The following SCG3 variants were observed in gnomAD, a reference collection of about 807,000 sequenced individuals.
SCG3 encodes secretogranin III, also known as secretogranin-3.
SCG3 carries 38 observed loss-of-function variants against 56.2 expected under a neutral mutation model. The observed-to-expected ratio is 0.68, with a 90% CI of 0.52 to 0.89. The LOEUF (loss-of-function observed/expected upper bound fraction) is 0.89, where lower values mean the gene tolerates loss of function less well. Ranked by LOEUF, SCG3 falls within the 40% of genes least tolerant of loss-of-function variation. The probability of loss-of-function intolerance (pLI) is 0.00; values close to 1 mark genes in which losing one functional copy is unlikely to be tolerated. For synonymous variants in SCG3, 176 were observed against 184.2 expected (o/e 0.96, Z 0.36); for missense variants, 524 against 540.7 (o/e 0.97, Z 0.31).
At chr15:51,713,222 G>A in intron 10 of SCG3, 111 bp from the exon 11 acceptor site, 2 of 708,352 alleles carry the variant, frequency 2.8e-6, no homozygotes, top group South Asian at 1.6e-5. Context: ...AAACAACCTT[G>A]CAAATGCTGC....
chr15:51,697,127 T>C (rs968416967), intron 8 of SCG3, among the ~76,000 whole-genome samples: 5 of 138,916 alleles, frequency 3.6e-5, no homozygotes, highest in Admixed American at 7.3e-5. Context: ...CTTCCAGATG[T>C]TATTCTGTGT....
intron 1 of SCG3, 55 bp from the exon 2 acceptor site, chr15:51,682,462 C>A (rs1265895263): frequency 7.0e-6 from 6 of 858,446 alleles, no homozygotes; most frequent in South Asian, 1.6e-5. Flanking sequence ...TAATAAGAGG[C>A]ATATTTTGTC....
chr15:51,689,158 T>G (rs967751447), intron 5 of SCG3, 61 bp from the exon 6 acceptor site: 72 of 1,539,326 alleles, frequency 4.7e-5, no homozygotes, highest in Non-Finnish European at 5.9e-5. Context: ...TAGTCCACAT[T>G]ATTTTTTAAT....
intron 10 of SCG3, among the ~76,000 whole-genome samples, chr15:51,703,909 T>G (rs900877664): frequency 3.9e-5 from 6 of 152,152 alleles, no homozygotes; most frequent in Admixed American, 3.3e-4. Context: ...TTTTATATTT[T>G]CCTACATTTT....
At chr15:51,718,239 T>C (rs960203038) in intron 11 of SCG3, among the ~76,000 whole-genome samples, 1 of 134,046 alleles carries the variant, frequency 7.5e-6, no homozygotes, top group African/African-American at 2.9e-5. Context: ...GACAGACAGA[T>C]GTCATAGGGT....
chr15:51,694,306 T>C (rs1400734429), intron 7 of SCG3, among the ~76,000 whole-genome samples: 2 of 151,644 alleles, frequency 1.3e-5, no homozygotes, highest in East Asian at 3.9e-4. Context: ...GAGCCAACAG[T>C]GGCCTTGTTT....
intron 11 of SCG3, among the ~76,000 whole-genome samples, chr15:51,717,728 A>T (rs938899325): frequency 1.3e-5 from 2 of 152,174 alleles, no homozygotes; most frequent in Admixed American, 6.5e-5. Context: ...CAGCATGTGA[A>T]TCAGTTTTTG....
chr15:51,710,274 T>C (rs1021725790), intron 10 of SCG3, among the ~76,000 whole-genome samples: 1 of 152,022 alleles, frequency 6.6e-6, no homozygotes, highest in Non-Finnish European at 1.5e-5. Flanking sequence ...CAGTAGAAGG[T>C]AATAAGTAGT....
chr15:51,684,377 G>A (rs1397104784), intron 4 of SCG3, among the ~76,000 whole-genome samples: 1 of 152,160 alleles, frequency 6.6e-6, no homozygotes, highest in Non-Finnish European at 1.5e-5. Context: ...AGGAGTTCAA[G>A]ACCAACCTGG....
rs1397529071 is a variant in SCG3 at position 51,683,347 on chromosome 15, A to G, written c.310A>G (p.Asn104Asp). ...AAGCTCCCCACTTGATAATAAGTTG[A>G]ATGTGGAAGATGTTGATTCAACCAA... ...IRSSPLDNKL[N>D]VEDVDSTKNR... The change falls in exon 4 of 12, where the codon AAT (asparagine) becomes GAT (aspartate). Residue 104 changes from asparagine (N) to aspartate (D), a missense_variant. By Grantham distance (23) the Asn-to-Asp change is conservative. Coordinates refer to ENST00000220478, the MANE Select transcript of SCG3 (RefSeq NM_013243.4). The G allele has an allele frequency of 6.2e-7, 1 of 1,613,576 alleles. No homozygotes were observed. The highest frequency in any genetic ancestry group is 1.1e-5 in the South Asian group (1 of 91,064).
intron 10 of SCG3, among the ~76,000 whole-genome samples, chr15:51,702,247 T>C (rs999436113): frequency 2.6e-5 from 4 of 152,082 alleles, no homozygotes; most frequent in African/African-American, 9.7e-5. Context: ...TTTACATCTT[T>C]TTAGGATTTT....
chr15:51,714,231 T>A (rs1371957617), intron 11 of SCG3, among the ~76,000 whole-genome samples: 1 of 152,154 alleles, frequency 6.6e-6, no homozygotes, highest in African/African-American at 2.4e-5. Context: ...AAGACATTTA[T>A]GTACTCTTCA....
chr15:51,701,803 G>A (rs1388967496), intron 10 of SCG3, among the ~76,000 whole-genome samples: 2 of 152,112 alleles, frequency 1.3e-5, no homozygotes, highest in Admixed American at 6.5e-5. Context: ...CTGCTCAGGA[G>A]GCTGAGGTGG....
At chr15:51,714,934 T>C (rs531890253) in intron 11 of SCG3, among the ~76,000 whole-genome samples, 2 of 152,356 alleles carry the variant, frequency 1.3e-5, no homozygotes, top group East Asian at 3.9e-4. Context: ...TTGTTTTATG[T>C]GCCATTAAAT....
rs1327143352 is a variant in SCG3, at chr15:51,717,350, G to A, written c.1289-2058G>A. Among the ~76,000 whole-genome samples, 9 of 150,546 alleles carry A rather than the reference G, an allele frequency of 6.0e-5. No individual in the cohort carries two copies. The South Asian group carries it at 8.4e-4, about 14-fold the overall frequency. ...GCCACTGCACTCCAGCCTGGGCAAC[G>A]GTGCAAGACTCCGTCTCAAAAAAAA... On this transcript the variant is annotated intron_variant, in intron 11 of 11. Coordinates refer to ENST00000220478, the MANE Select transcript of SCG3 (RefSeq NM_013243.4).
intron 8 of SCG3, among the ~76,000 whole-genome samples, chr15:51,696,493 G>A (rs1458887210): frequency 6.6e-6 from 1 of 152,134 alleles, no homozygotes; most frequent in African/African-American, 2.4e-5. Context: ...TGAGGTTGCA[G>A]TGAGCCAAGA....
intron 11 of SCG3, 64 bp from the exon 12 acceptor site, chr15:51,719,344 A>C: frequency 9.4e-7 from 1 of 1,058,762 alleles, no homozygotes; most frequent in Non-Finnish European, 1.4e-6. Context: ...AGTTAATGGT[A>C]ATCACTGTAA....
At chr15:51,709,073 TTTAA>T (rs2055394599) in intron 10 of SCG3, among the ~76,000 whole-genome samples, 1 of 152,102 alleles carries the variant, frequency 6.6e-6, no homozygotes, top group Admixed American at 6.5e-5. Context: ...AGGAAAACAG[TTTAA>T]TTGACTCACA....
chr15:51,709,293 T>A (rs923199864), intron 10 of SCG3, among the ~76,000 whole-genome samples: 1 of 151,970 alleles, frequency 6.6e-6, no homozygotes, highest in Non-Finnish European at 1.5e-5. Context: ...TTCAATTACC[T>A]CCTACTGGGT....
Sources: allele counts gnomAD v4.1 joint callset (sites outside exome capture counted in the v4.1 genomes callset), GRCh38; gene constraint gnomAD v4.1.1; transcripts MANE v1.5; gene names NCBI Gene and HGNC (gene_info 2026-07-23, HGNC 2026-07-21).